Variants in AFF3 observed in about 807,000 individuals in gnomAD.
AFF3 encodes the protein AF4/FMR2 family member 3.
In AFF3, 32 loss-of-function variants were observed where a neutral mutation model predicts 129.7. The ratio of observed to expected loss-of-function variants is 0.25; its 90% CI spans 0.19 to 0.33. The LOEUF (loss-of-function observed/expected upper bound fraction) is 0.33. Ranked by LOEUF, AFF3 falls within the 10% of genes least tolerant of loss-of-function variation. AFF3 has a pLI of 1.00. For synonymous variants in AFF3, 644 were observed against 635.4 expected (o/e 1.01, Z -0.20); for missense variants, 1,373 against 1,592.0 (o/e 0.86, Z 2.34).
intron 7 of AFF3, among the ~76,000 whole-genome samples, chr2:99,850,115 T>C (rs1325786137): frequency 3.3e-5 from 5 of 152,228 alleles, no homozygotes; most frequent in Non-Finnish European, 7.3e-5. Context: ...GATGGGGCTT[T>C]ATGCTTGTAA....
rs1046078193 is a variant in AFF3 at position 99,550,202 on chromosome 2, CAA to C, written c.*1270_*1271del. 1.3e-5 allele frequency: 3 copies of C among 230,364 alleles called. No homozygotes were observed. The highest frequency in any genetic ancestry group is 2.6e-5 in the Non-Finnish European group (3 of 116,310). The allele number at this position is 230,364 out of a possible 1,614,324, so 14.3% of individuals were successfully genotyped here. A position where few individuals can be genotyped will look rare whatever the true frequency, so the allele number is the denominator to read the frequency against. On this transcript the variant is annotated 3_prime_UTR_variant, in exon 25 of 25. Coordinates refer to ENST00000672756, the MANE Select transcript of AFF3 (RefSeq NM_001386135.1). ...TGTAAACTTAATTAAAAAAAGAAAA[CAA>C]GAGAAAAACTCAGAGCAAGGTGTAA...
intron 8 of AFF3, among the ~76,000 whole-genome samples, chr2:99,765,937 T>A (rs1288903480): frequency 6.6e-6 from 1 of 152,234 alleles, no homozygotes; most frequent in East Asian, 1.9e-4. Context: ...GGAATTTTTC[T>A]TCAAAGGGAT....
intron 4 of AFF3, among the ~76,000 whole-genome samples, chr2:100,012,333 A>C (rs924939572): frequency 1.3e-5 from 2 of 152,106 alleles, no homozygotes; most frequent in Admixed American, 6.5e-5. Context: ...GCCTCCACTG[A>C]GCTGCTTCTT....
chr2:99,956,448 G>A (rs376172602), intron 7 of AFF3, among the ~76,000 whole-genome samples: 12 of 152,198 alleles, frequency 7.9e-5, no homozygotes, highest in East Asian at 3.9e-4. Flanking sequence ...TGGAGGGGGG[G>A]GCTGTTTGTT....
At chr2:99,785,073 CTCAT>C (rs1232390377) in intron 8 of AFF3, among the ~76,000 whole-genome samples, 6 of 152,140 alleles carry the variant, frequency 3.9e-5, no homozygotes, top group Admixed American at 6.5e-5. Context: ...GTCACTTATC[CTCAT>C]TTATATCCCT....
chr2:99,932,960 G>T (rs745620481), intron 7 of AFF3, among the ~76,000 whole-genome samples: 1 of 152,014 alleles, frequency 6.6e-6, no homozygotes, highest in Non-Finnish European at 1.5e-5. Flanking sequence ...TGTTAAATAT[G>T]CTCCTAGAAG....
chr2:99,963,905 T>C (rs1677477422), intron 7 of AFF3, among the ~76,000 whole-genome samples: 1 of 151,998 alleles, frequency 6.6e-6, no homozygotes, highest in Non-Finnish European at 1.5e-5. Context: ...ACTTCATATG[T>C]AGATTGAAAA....
intron 9 of AFF3, among the ~76,000 whole-genome samples, chr2:99,745,157 G>A (rs905887167): frequency 6.6e-6 from 1 of 152,116 alleles, no homozygotes; most frequent in Non-Finnish European, 1.5e-5. Context: ...TCATGTGTTT[G>A]TTGGCCATTT....
At chr2:100,073,968 G>A (rs534558963) in intron 4 of AFF3, among the ~76,000 whole-genome samples, 53 of 152,262 alleles carry the variant, frequency 3.5e-4, no homozygotes, top group African/African-American at 1.3e-3. Context: ...GTATAATAGG[G>A]TACTATAAAC....
intron 7 of AFF3, among the ~76,000 whole-genome samples, chr2:99,845,014 C>T (rs1339102584): frequency 6.6e-6 from 1 of 151,916 alleles, no homozygotes; most frequent in African/African-American, 2.4e-5. Flanking sequence ...AAGAATAATG[C>T]CGGTTATCTA....
intron 7 of AFF3, among the ~76,000 whole-genome samples, chr2:99,887,264 C>A (rs1693181714): frequency 6.6e-6 from 1 of 152,154 alleles, no homozygotes; most frequent in Non-Finnish European, 1.5e-5. Context: ...GTCCCTGAGT[C>A]CAGAAAGGGT....
chr2:99,758,455 G>C lies in AFF3; in HGVS notation c.922-6154C>G, dbSNP rs567940967. Among the ~76,000 whole-genome samples, 3 of 152,028 alleles carry C rather than the reference G, an allele frequency of 2.0e-5. No homozygotes were observed. The South Asian group carries it at 6.3e-4, about 32-fold the overall frequency. ...TACGAAATTAGCCAGGCGTGATGGCGCGCGCCTGTAATCACAGCTACTCGG... is the reference window on the plus strand; with the variant it reads ...TACGAAATTAGCCAGGCGTGATGGCCCGCGCCTGTAATCACAGCTACTCGG... On this transcript the variant is annotated intron_variant, in intron 8 of 24. Coordinates refer to ENST00000672756, the MANE Select transcript of AFF3 (RefSeq NM_001386135.1).
At chr2:99,739,798 C>G (rs893525262) in intron 10 of AFF3, among the ~76,000 whole-genome samples, 1 of 151,640 alleles carries the variant, frequency 6.6e-6, no homozygotes, top group Non-Finnish European at 1.5e-5. Context: ...TTCTCTATTT[C>G]TTTTTTTTAA....
At chr2:99,603,321 A>G (rs1383047511) in intron 13 of AFF3, among the ~76,000 whole-genome samples, 2 of 152,238 alleles carry the variant, frequency 1.3e-5, no homozygotes, top group Non-Finnish European at 2.9e-5. Context: ...CTGACTGAAC[A>G]TGAACATCTG....
chr2:99,770,699 G>A (rs1683403024), intron 8 of AFF3, among the ~76,000 whole-genome samples: 1 of 152,004 alleles, frequency 6.6e-6, no homozygotes. Context: ...GTCAGCAAGA[G>A]ATGGATCTTG....
chr2:99,666,722 G>A (rs945745638), intron 12 of AFF3, among the ~76,000 whole-genome samples: 1 of 152,176 alleles, frequency 6.6e-6, no homozygotes, highest in African/African-American at 2.4e-5. Context: ...GTTACATTAT[G>A]AAAGCATTAA....
rs141379840 is a variant in AFF3 at position 99,792,969 on chromosome 2, C to T, written c.922-40668G>A. On this transcript the variant is annotated intron_variant, in intron 8 of 24. Transcript: ENST00000672756. ...ACATGGTTAATATTTCTTCCTCAAC[C>T]GGTAACATCTGAGTGACACCATCTG... is the stretch of plus-strand genomic sequence containing the variant. Among the ~76,000 whole-genome samples, 558 of 152,206 alleles carry T rather than the reference C, an allele frequency of 3.7e-3. 5 individuals are homozygous for T. Among genetic ancestry groups the T allele is most frequent in the Non-Finnish European group, 5.0e-3 (341 of 68,012 alleles).
intron 7 of AFF3, among the ~76,000 whole-genome samples, chr2:100,001,762 C>T (rs1198786021): frequency 6.6e-6 from 1 of 152,232 alleles, no homozygotes; most frequent in Non-Finnish European, 1.5e-5. Context: ...AATGGCCAAA[C>T]ATAAAAGGAC....
At chr2:100,053,372 G>A (rs1686508961) in intron 4 of AFF3, among the ~76,000 whole-genome samples, 1 of 152,364 alleles carries the variant, frequency 6.6e-6, no homozygotes, top group African/African-American at 2.4e-5. Flanking sequence ...TGCCAAGAGT[G>A]TGAAAACACA....
Sources: allele counts gnomAD v4.1 joint callset (sites outside exome capture counted in the v4.1 genomes callset), GRCh38; gene constraint gnomAD v4.1.1; transcripts MANE v1.5; gene names NCBI Gene and HGNC (gene_info 2026-07-23, HGNC 2026-07-21).